The following CRIM1 variants were observed in gnomAD, a reference collection of about 807,000 sequenced individuals.
The protein encoded by CRIM1 is cysteine rich transmembrane BMP regulator 1.
In CRIM1, 32 loss-of-function variants were observed where a neutral mutation model predicts 116.4. The ratio of observed to expected loss-of-function variants is 0.27; its 90% CI spans 0.21 to 0.37. CRIM1 has a LOEUF of 0.37. Among genes scored for constraint, CRIM1 ranks in the 10% least tolerant of loss-of-function variants. The pLI is 1.00. For synonymous variants in CRIM1, 590 were observed against 509.2 expected, an observed-to-expected ratio of 1.16 and a Z score of -2.13; for missense variants, 1,331 against 1,354.8, an observed-to-expected ratio of 0.98 and a Z score of 0.28.
At chr2:36,382,167 C>T (rs774450084) in intron 1 of CRIM1, among the ~76,000 whole-genome samples, 14 of 152,180 alleles carry the variant, frequency 9.2e-5, no homozygotes, top group South Asian at 4.1e-4. Context: ...GGCCTGGAAC[C>T]GCCTCAGTAA....
Position 36,512,313 on chromosome 2 carries a change from T to A in CRIM1, c.1699T>A (p.Cys567Ser), listed in dbSNP as rs1253729158. The change falls in exon 10 of 17, where the codon TGT (cysteine) becomes AGT (serine). Residue 567 changes from cysteine to serine, a missense_variant. Cys to Ser is a moderately radical substitution (Grantham distance 112, BLOSUM62 -1). Transcript: ENST00000280527. ...HGCDICRCKK[C>S]PELSCSKICP... ...CTGTGACATCTGTCGCTGTAAGAAA[T>A]GTCCAGAGCTCTCATGCAGTAAGAT... The A allele has an allele frequency of 6.2e-7, 1 of 1,613,842 alleles. No individual in the cohort carries two copies.
At position 36,522,853 on chromosome 2, in the gene CRIM1, A is replaced by G. The variant is rs1288232324; in HGVS notation, c.2428+540A>G. 3.3e-5 allele frequency among the ~76,000 whole-genome samples: 5 copies of G among 151,590 alleles called. No homozygotes were observed. In the East Asian group the frequency reaches 9.7e-4, roughly 29 times the overall value. ...GAAGGAGAAAGAAATGTTCTCTGAGAATGTCATACTGTTACAGCACTGTCG... is the reference window on the plus strand; with the variant it reads ...GAAGGAGAAAGAAATGTTCTCTGAGGATGTCATACTGTTACAGCACTGTCG... On this transcript the variant is annotated intron_variant, in intron 13 of 16. Transcript: ENST00000280527.
chr2:36,505,747 CA>C (rs1422534863), intron 8 of CRIM1, among the ~76,000 whole-genome samples: 1 of 147,678 alleles, frequency 6.8e-6, no homozygotes, highest in Non-Finnish European at 1.5e-5. Flanking sequence ...TAACAAAAAA[CA>C]AGTACAATGA....
intron 2 of CRIM1, among the ~76,000 whole-genome samples, chr2:36,411,797 ACT>A (rs1211966989): frequency 6.6e-6 from 1 of 151,846 alleles, no homozygotes; most frequent in Non-Finnish European, 1.5e-5. Context: ...TTAGTTATAG[ACT>A]CTTAACCCGT....
At chr2:36,373,672 A>G (rs1428456706) in intron 1 of CRIM1, among the ~76,000 whole-genome samples, 3 of 152,176 alleles carry the variant, frequency 2.0e-5, no homozygotes, top group Admixed American at 6.5e-5. Flanking sequence ...CTGAACCTGT[A>G]TGTGTGGAAA....
Position 36,544,418 on chromosome 2 carries a change from C to T in CRIM1, c.2666C>T (p.Thr889Ile), listed in dbSNP as rs771482279. 9.1e-6 allele frequency: 13 copies of T among 1,428,106 alleles called. No homozygotes were observed. The highest frequency in any genetic ancestry group is 1.2e-5 in the Non-Finnish European group (13 of 1,086,726). The allele number at this position is 1,428,106 out of a possible 1,614,324, so 88.5% of individuals were successfully genotyped here. ...PEPTNIPIEK[T>I]NHRGEVDLEV... ...CCAACCAATATACCCATTGAGAAGA[C>T]AAACCATCGAGGAGAGGTTGACCTG... Residue 889 changes from threonine (T) to isoleucine (I), a missense_variant, in exon 15 of 17, where the codon ACA becomes ATA. Thr to Ile is a moderately conservative substitution (Grantham distance 89, BLOSUM62 -1). Transcript: ENST00000280527.
chr2:36,407,057 A>G (rs1044567668), intron 2 of CRIM1, among the ~76,000 whole-genome samples: 1 of 152,160 alleles, frequency 6.6e-6, no homozygotes, highest in East Asian at 1.9e-4. Flanking sequence ...TCTCATTATC[A>G]TCAAGGTCCC....
At chr2:36,432,754 A>G (rs2124906616) in intron 2 of CRIM1, among the ~76,000 whole-genome samples, 1 of 152,208 alleles carries the variant, frequency 6.6e-6, no homozygotes, top group Middle Eastern at 3.4e-3. Flanking sequence ...ACAATAGGTC[A>G]GCATTGACTG....
intron 2 of CRIM1, among the ~76,000 whole-genome samples, chr2:36,409,893 G>C (rs1193109945): frequency 6.6e-6 from 1 of 152,114 alleles, no homozygotes; most frequent in Non-Finnish European, 1.5e-5. Context: ...TAAGCATACT[G>C]TTCTGGGGCA....
intron 8 of CRIM1, among the ~76,000 whole-genome samples, chr2:36,509,570 T>C (rs1056694632): frequency 6.6e-6 from 1 of 152,144 alleles, no homozygotes; most frequent in Non-Finnish European, 1.5e-5. Flanking sequence ...GGACATGCAA[T>C]AGAAATAAAA....
intron 2 of CRIM1, 145 bp from the exon 3 acceptor site, chr2:36,441,113 A>T (rs2124934623): frequency 3.6e-6 from 4 of 1,105,434 alleles, no homozygotes; most frequent in Non-Finnish European, 5.1e-6. Flanking sequence ...ATTGTTAGTT[A>T]AACTAAGTTT....
At chr2:36,402,144 A>G (rs17018723) in intron 2 of CRIM1, among the ~76,000 whole-genome samples, 20,338 of 152,240 alleles carry the variant, frequency 0.13, 1,677 homozygotes, top group East Asian at 0.48. Context: ...TCACACAGGC[A>G]GTAAATACAT....
At chr2:36,542,081 A>T (rs1666982816) in intron 14 of CRIM1, among the ~76,000 whole-genome samples, 1 of 152,156 alleles carries the variant, frequency 6.6e-6, no homozygotes, top group Admixed American at 6.5e-5. Flanking sequence ...GTGTTCTGTG[A>T]TAAAGAAGGA....
chr2:36,426,191 A>G (rs1249103558), intron 2 of CRIM1, among the ~76,000 whole-genome samples: 2 of 151,794 alleles, frequency 1.3e-5, no homozygotes, highest in Non-Finnish European at 2.9e-5. Context: ...TGAAATGCAT[A>G]GTCCAGAACC....
At chr2:36,462,036 G>A (rs1677620271) in intron 4 of CRIM1, among the ~76,000 whole-genome samples, 1 of 152,142 alleles carries the variant, frequency 6.6e-6, no homozygotes, top group African/African-American at 2.4e-5. Flanking sequence ...AGGAAACAAG[G>A]AGACAGGAGC....
chr2:36,379,776 A>G (rs1329423091), intron 1 of CRIM1, among the ~76,000 whole-genome samples: 3 of 142,352 alleles, frequency 2.1e-5, no homozygotes, highest in African/African-American at 7.9e-5. Context: ...AAGAAAAGCA[A>G]TTGCTTAGAA....
At position 36,414,989 on chromosome 2, in the gene CRIM1, C is replaced by G. The variant is rs191759691; in HGVS notation, c.505+18202C>G. 6.8e-4 allele frequency among the ~76,000 whole-genome samples: 104 copies of G among 152,260 alleles called. 1 individual carries two copies. Among genetic ancestry groups the G allele is most frequent in the Middle Eastern group, 6.8e-3 (2 of 294 alleles). On this transcript the variant is annotated intron_variant, in intron 2 of 16. Transcript: ENST00000280527. ...GTGGAAAATGGATTGTAGCGGGAAG[C>G]TAGAGTAGAATCAGAAACATTATTT...
intron 4 of CRIM1, among the ~76,000 whole-genome samples, chr2:36,447,948 C>G (rs1488063501): frequency 6.6e-6 from 1 of 152,222 alleles, no homozygotes; most frequent in Non-Finnish European, 1.5e-5. Context: ...GTGTGCCCAG[C>G]AGCTCTTTTT....
chr2:36,363,324 C>G (rs1174237651), intron 1 of CRIM1, among the ~76,000 whole-genome samples: 2 of 152,020 alleles, frequency 1.3e-5, no homozygotes, highest in African/African-American at 4.8e-5. Context: ...CTCAGTGCAT[C>G]CCTAATGAGC....
Sources: gnomAD v4.1 joint callset for allele counts (sites outside exome capture counted in the v4.1 genomes callset) on GRCh38, gnomAD v4.1.1 for gene constraint, MANE v1.5 for transcripts, NCBI Gene and HGNC (gene_info 2026-07-23, HGNC 2026-07-21) for gene names.